The following AKR1C8 variants were observed in gnomAD, a reference collection of about 807,000 sequenced individuals.
The protein encoded by AKR1C8 is aldo-keto reductase family 1 member C-like protein 1.
chr10:5,170,406 G>A, the AKR1C8 span, among the ~76,000 whole-genome samples: 2 of 152,062 alleles, frequency 1.3e-5, no homozygotes, highest in South Asian at 4.1e-4. Context: ...TATTATACTT[G>A]GCTTAATTAT....
At chr10:5,120,061 C>T in the AKR1C8 span, among the ~76,000 whole-genome samples, 2,385 of 152,156 alleles carry the variant, frequency 0.016, 60 homozygotes, top group African/African-American at 0.054. Flanking sequence ...GTTTGTTTAC[C>T]GGAATGATGG....
chr10:5,159,316 C>T, the AKR1C8 span, among the ~76,000 whole-genome samples: 2 of 152,118 alleles, frequency 1.3e-5, no homozygotes, highest in African/African-American at 2.4e-5. Context: ...AAGTGTGTCA[C>T]GTGGATCGAT....
chr10:5,181,793 T>C, the AKR1C8 span, among the ~76,000 whole-genome samples: 1 of 152,204 alleles, frequency 6.6e-6, no homozygotes, highest in Non-Finnish European at 1.5e-5. Context: ...TATTCTTAGC[T>C]ACAACTACCC....
At chr10:5,154,543 C>G in the AKR1C8 span, 3 of 194,416 alleles carry the variant, frequency 1.5e-5, no homozygotes, top group East Asian at 3.8e-4. Flanking sequence ...GACACAGGGC[C>G]ACAGACATGA....
At chr10:5,164,436 G>A in the AKR1C8 span, among the ~76,000 whole-genome samples, 3 of 152,136 alleles carry the variant, frequency 2.0e-5, no homozygotes, top group Non-Finnish European at 4.4e-5. Flanking sequence ...TACATCATGA[G>A]AGACTACTAC....
At chr10:5,171,365 T>G in the AKR1C8 span, among the ~76,000 whole-genome samples, 5 of 152,062 alleles carry the variant, frequency 3.3e-5, no homozygotes, top group African/African-American at 1.2e-4. Context: ...ACATAACAAT[T>G]ATAATTATTA....
the AKR1C8 span, chr10:5,161,813 GA>G: frequency 3.7e-6 from 2 of 534,710 alleles, no homozygotes; most frequent in South Asian, 2.8e-5. Flanking sequence ...TTATAACCAT[GA>G]TGAAACAGTC....
At chr10:5,122,125 C>G in the AKR1C8 span, 1 of 387,982 alleles carries the variant, frequency 2.6e-6, no homozygotes, top group African/African-American at 2.2e-5. Context: ...TTGAGGCTGT[C>G]AATGGCTTTC....
chr10:5,150,895 A>C, the AKR1C8 span, among the ~76,000 whole-genome samples: 3 of 152,184 alleles, frequency 2.0e-5, no homozygotes, highest in African/African-American at 7.2e-5. Flanking sequence ...ATTGCAATAG[A>C]GAAAGAGATT....
At chr10:5,149,811 C>A in the AKR1C8 span, among the ~76,000 whole-genome samples, 3 of 151,856 alleles carry the variant, frequency 2.0e-5, no homozygotes, top group East Asian at 5.8e-4. Context: ...ACTATGTTGC[C>A]ATAAATTAAG....
chr10:5,137,168 T>A, the AKR1C8 span, among the ~76,000 whole-genome samples: 1 of 152,140 alleles, frequency 6.6e-6, no homozygotes, highest in African/African-American at 2.4e-5. Context: ...TAGAAACTAT[T>A]CCCTCACTGG....
chr10:5,125,185 A>G, the AKR1C8 span, among the ~76,000 whole-genome samples: 1 of 152,084 alleles, frequency 6.6e-6, no homozygotes, highest in Non-Finnish European at 1.5e-5. Context: ...TTTATATTAT[A>G]TGGTATCATT....
chr10:5,137,981 G>A, the AKR1C8 span, among the ~76,000 whole-genome samples: 4 of 152,016 alleles, frequency 2.6e-5, no homozygotes, highest in Non-Finnish European at 5.9e-5. Flanking sequence ...GAGGGAACAG[G>A]ACAAAGGGCA....
chr10:5,135,176 A>AAATGAT, the AKR1C8 span: 1 of 225,222 alleles, frequency 4.4e-6, no homozygotes, highest in Non-Finnish European at 9.9e-6. Flanking sequence ...ATCCTAATAC[A>AAATGAT]GGCATGAAAT....
chr10:5,132,623 T>A, the AKR1C8 span: 2 of 1,585,252 alleles, frequency 1.3e-6, no homozygotes, highest in Non-Finnish European at 1.7e-6. Flanking sequence ...AGAATATGTC[T>A]TCTCTCTTCA....
the AKR1C8 span, among the ~76,000 whole-genome samples, chr10:5,174,386 T>C: frequency 6.6e-6 from 1 of 152,016 alleles, no homozygotes; most frequent in Non-Finnish European, 1.5e-5. Flanking sequence ...CTTTAATCTT[T>C]ACAAAATAAA....
the AKR1C8 span, chr10:5,161,851 C>A: frequency 1.9e-6 from 1 of 534,664 alleles, no homozygotes; most frequent in East Asian, 5.5e-5. Flanking sequence ...AAAACAAAAG[C>A]TGACCTTCAT....
At chr10:5,117,300 T>A in the AKR1C8 span, among the ~76,000 whole-genome samples, 2 of 152,286 alleles carry the variant, frequency 1.3e-5, no homozygotes, top group South Asian at 2.1e-4. Context: ...TGCCCTCAGA[T>A]AACAAGACCT....
the AKR1C8 span, among the ~76,000 whole-genome samples, chr10:5,140,867 C>T: frequency 1.3e-5 from 2 of 152,068 alleles, no homozygotes; most frequent in Admixed American, 6.6e-5. Flanking sequence ...ATTATTCCCT[C>T]ACTGTTGATT....
Sources: allele counts gnomAD v4.1 joint callset (sites outside exome capture counted in the v4.1 genomes callset), GRCh38; gene constraint gnomAD v4.1.1; transcripts MANE v1.5; gene names NCBI Gene and HGNC (gene_info 2026-07-23, HGNC 2026-07-21).